The following CYFIP2 variants were observed in gnomAD, a reference collection of about 807,000 sequenced individuals.
The protein encoded by CYFIP2 is cytoplasmic FMR1 interacting protein 2.
In CYFIP2, 29 loss-of-function variants were observed where a neutral mutation model predicts 158.7. That is an observed-to-expected ratio of 0.18 (90% CI 0.14 to 0.25). The LOEUF (loss-of-function observed/expected upper bound fraction) is 0.25. Ranked by LOEUF, CYFIP2 falls within the 10% of genes least tolerant of loss-of-function variation. CYFIP2 has a pLI of 1.00. For missense variants in CYFIP2, 852 were observed against 1,639.5 expected (o/e 0.52, Z 8.29); for synonymous variants, 585 against 617.6 (o/e 0.95, Z 0.78).
intron 26 of CYFIP2, among the ~76,000 whole-genome samples, chr5:157,370,810 T>G (rs1581166709): frequency 6.6e-6 from 1 of 152,356 alleles, no homozygotes; most frequent in East Asian, 1.9e-4. Flanking sequence ...CCAGACATGA[T>G]TCTGATCCAG....
chr5:157,311,285 A>T lies in CYFIP2; in HGVS notation c.993-379A>T, dbSNP rs1215724703. 6 of 369,620 alleles carry T rather than the reference A, an allele frequency of 1.6e-5. No homozygotes were observed. Among genetic ancestry groups the T allele is most frequent in the Non-Finnish European group, 3.2e-5 (6 of 189,496 alleles). The allele number at this position is 369,620 out of a possible 1,614,324, so 22.9% of individuals were successfully genotyped here. ...TCAACCGCAGAGTGTCTGTGCTGTC[A>T]GAGTGGGTAGGCTGGTTTTGGAGGT... On this transcript the variant is annotated intron_variant, in intron 10 of 30. Transcript: ENST00000620254. The surrounding 1 kb of genome is among the most constrained non-coding windows in gnomAD (Gnocchi z 4.7).
chr5:157,377,666 A>T (rs79623693), intron 26 of CYFIP2, among the ~76,000 whole-genome samples: 2,675 of 152,334 alleles, frequency 0.018, 73 homozygotes, highest in African/African-American at 0.058. Context: ...TGAAAGAATG[A>T]CAATCTCTGG....
intron 21 of CYFIP2, among the ~76,000 whole-genome samples, chr5:157,335,192 T>C (rs1761762749): frequency 1.3e-5 from 2 of 152,216 alleles, no homozygotes; most frequent in South Asian, 2.1e-4. Flanking sequence ...TCCTTATCTA[T>C]AGAAATGGAG....
Position 157,325,626 on chromosome 5 carries a change from C to G in CYFIP2, c.1970C>G (p.Pro657Arg). ...LTDHILETKE[P>R]SMMEYVLYPL... ...GACCATATCCTGGAAACCAAAGAAC[C>G]TTCCATGATGGAGTAAGAGGCAGGA... The change falls in exon 17 of 31, where the codon CCT (proline) becomes CGT (arginine). Residue 657 changes from proline to arginine, a missense_variant. Transcript: ENST00000620254. The G allele has an allele frequency of 6.2e-7, 1 of 1,608,360 alleles. No individual in the cohort carries two copies. The highest frequency in any genetic ancestry group is 8.5e-7 in the Non-Finnish European group (1 of 1,176,968).
intron 21 of CYFIP2, among the ~76,000 whole-genome samples, chr5:157,335,076 G>A (rs1179385151): frequency 6.6e-6 from 1 of 152,172 alleles, no homozygotes; most frequent in Non-Finnish European, 1.5e-5. Flanking sequence ...AAAATAAAGT[G>A]ACAGTGAACT....
Position 157,294,908 on chromosome 5 carries a change from C to T in CYFIP2, c.285+48C>T, listed in dbSNP as rs565408258. The T allele has an allele frequency of 2.4e-5, 36 of 1,480,160 alleles. No homozygotes were observed. In the African/African-American group the frequency reaches 4.8e-4, roughly 20 times the overall value. 91.7% of individuals were successfully genotyped at this position (1,480,160 alleles called of 1,614,324 possible). On this transcript the variant is annotated intron_variant, in intron 4 of 30. Transcript: ENST00000620254. ...TCTCTTTCCCCTCCAGAGGGCATTA[C>T]TAACCCCTACTTCATCCCCAAACCA...
chr5:157,389,733 G>A (rs919025275), intron 29 of CYFIP2: 7 of 234,662 alleles, frequency 3.0e-5, no homozygotes, highest in African/African-American at 1.4e-4. Context: ...TACATGTCTA[G>A]GACAGAGTGG....
intron 21 of CYFIP2, among the ~76,000 whole-genome samples, 187 bp downstream of exon 21, chr5:157,333,633 T>A (rs563324931): frequency 4.9e-4 from 74 of 152,272 alleles, no homozygotes; most frequent in African/African-American, 1.8e-3. Flanking sequence ...CTGATTGCCT[T>A]GGGAACGATA....
At chr5:157,324,337 G>A (rs1007475226) in intron 16 of CYFIP2, among the ~76,000 whole-genome samples, 3 of 152,186 alleles carry the variant, frequency 2.0e-5, no homozygotes, top group Non-Finnish European at 2.9e-5. Flanking sequence ...TTAGTAGAGC[G>A]GGATCAAAAA....
chr5:157,334,657 T>C (rs10045617), intron 21 of CYFIP2, among the ~76,000 whole-genome samples: 70,319 of 151,260 alleles, frequency 0.46, 18,136 homozygotes, highest in African/African-American at 0.71. Flanking sequence ...TATGAGAAAA[T>C]ATCAGATGAA....
In CYFIP2 at chr5:157,314,351, C is replaced by T. The variant is rs772567936; in HGVS notation, c.1118C>T (p.Thr373Met). 8.1e-6 allele frequency: 13 copies of T among 1,613,400 alleles called. No individual in the cohort carries two copies. The highest frequency in any genetic ancestry group is 4.5e-5 in the East Asian group (2 of 44,880). ...LARYSNSEVV[T>M]GSGLDSQKSD... is the part of the protein sequence containing the mutation. ...ACACCTGATGCTCCCCAGGTGGTGACGGGCTCAGGGCTGGACAGCCAGAAG... is the reference window on the plus strand; with the variant it reads ...ACACCTGATGCTCCCCAGGTGGTGATGGGCTCAGGGCTGGACAGCCAGAAG... Residue 373 changes from threonine to methionine, a missense_variant, in exon 12 of 31, where the codon ACG becomes ATG. This residue lies in a region of CYFIP2 where 133 missense variants were observed against 197.1 expected (regional missense o/e 0.67). Coordinates refer to ENST00000620254, the MANE Select transcript of CYFIP2 (RefSeq NM_001037333.3).
chr5:157,360,894 T>A (rs1763766650), intron 25 of CYFIP2, among the ~76,000 whole-genome samples: 2 of 152,308 alleles, frequency 1.3e-5, no homozygotes, highest in African/African-American at 4.8e-5. Context: ...GCATCTGATG[T>A]TTCTTTCCAA....
rs772617433 is a variant in CYFIP2 at position 157,393,720 on chromosome 5, C to G, written c.*720C>G. On this transcript the variant is annotated 3_prime_UTR_variant, in exon 31 of 31. Transcript: ENST00000620254. ...ACAGCCAGAAATGTCATAGTCCAAA[C>G]AGGATGCTTTCAGGCCATCTCAGCT... The G allele has an allele frequency of 7.9e-5, 12 of 152,248 alleles. No homozygotes were observed. The highest frequency in any genetic ancestry group is 1.8e-4 in the Non-Finnish European group (12 of 68,072). The allele number at this position is 152,248 out of a possible 1,614,324, so 9.4% of individuals were successfully genotyped here. A position where few individuals can be genotyped will look rare whatever the true frequency, so the allele number is the denominator to read the frequency against.
At chr5:157,388,197 C>T (rs1006897643) in intron 28 of CYFIP2, among the ~76,000 whole-genome samples, 1 of 152,178 alleles carries the variant, frequency 6.6e-6, no homozygotes, top group Non-Finnish European at 1.5e-5. Context: ...ATTTACCTTA[C>T]TTTGCAGATA....
At position 157,309,683 on chromosome 5, in the gene CYFIP2, G is replaced by A. The variant is rs538415150; in HGVS notation, c.901-60G>A. On this transcript the variant is annotated intron_variant, in intron 9 of 30. Coordinates refer to ENST00000620254, the MANE Select transcript of CYFIP2 (RefSeq NM_001037333.3). ...CTGCCTCCCACAGTGGGGTGGCAGC[G>A]AAGGCAGCCACCCCAACCCCTCCTC... 64 of 1,474,864 alleles carry A rather than the reference G, an allele frequency of 4.3e-5. No individual in the cohort carries two copies. In the African/African-American group the frequency reaches 5.2e-4, roughly 12 times the overall value. The allele number at this position is 1,474,864 out of a possible 1,614,324, so 91.4% of individuals were successfully genotyped here. A position where few individuals can be genotyped will look rare whatever the true frequency, so the allele number is the denominator to read the frequency against.
intron 23 of CYFIP2, among the ~76,000 whole-genome samples, chr5:157,345,130 C>T (rs1762584115): frequency 6.6e-6 from 1 of 152,146 alleles, no homozygotes; most frequent in Non-Finnish European, 1.5e-5. Context: ...GCTTGGTGTC[C>T]TCTACACACT....
chr5:157,320,010 C>A lies in CYFIP2; in HGVS notation c.1523+82C>A. ...CAGAGAGGATGTCCTGGCTCAGCCACTGAACACACATGGGTCCTTCCAGCA... is the reference window on the plus strand; with the variant it reads ...CAGAGAGGATGTCCTGGCTCAGCCAATGAACACACATGGGTCCTTCCAGCA... On this transcript the variant is annotated intron_variant, in intron 14 of 30. Transcript: ENST00000620254. 3.9e-6 allele frequency: 6 copies of A among 1,538,678 alleles called. No homozygotes were observed. The Admixed American group carries it at 5.3e-5, about 14-fold the overall frequency.
chr5:157,383,834 T>G (rs2113519455), intron 28 of CYFIP2, among the ~76,000 whole-genome samples: 1 of 152,372 alleles, frequency 6.6e-6, no homozygotes, highest in East Asian at 1.9e-4. Context: ...TGCCAGGTTA[T>G]TGCATATCAC....
At chr5:157,317,676 C>G (rs1327696500) in intron 13 of CYFIP2, among the ~76,000 whole-genome samples, 1 of 152,202 alleles carries the variant, frequency 6.6e-6, no homozygotes, top group African/African-American at 2.4e-5. Context: ...GCCACACGCT[C>G]TAATGTGAAT....
Sources: gnomAD v4.1 joint callset for allele counts (sites outside exome capture counted in the v4.1 genomes callset) on GRCh38, gnomAD v4.1.1 for gene constraint, gnomAD v4.1.1 regional missense constraint, Gnocchi (gnomAD v3.1) non-coding constraint, MANE v1.5 for transcripts, NCBI Gene and HGNC (gene_info 2026-07-23, HGNC 2026-07-21) for gene names.